The following TNRC6B variants were observed in gnomAD, a reference collection of about 807,000 sequenced individuals.
The protein encoded by TNRC6B is trinucleotide repeat containing adaptor 6B.
Under a neutral mutation model 203.6 loss-of-function variants are expected in TNRC6B, and 52 were observed. The observed-to-expected ratio is 0.26, with a 90% CI of 0.20 to 0.32. The LOEUF (loss-of-function observed/expected upper bound fraction) is 0.32. Ranked by LOEUF, TNRC6B falls within the 10% of genes least tolerant of loss-of-function variation. The probability of loss-of-function intolerance (pLI) is 1.00; values close to 1 mark genes in which losing one functional copy is unlikely to be tolerated. For missense variants in TNRC6B, 1,923 were observed against 2,286.2 expected, an observed-to-expected ratio of 0.84 and a Z score of 3.24; for synonymous variants, 838 against 845.7, an observed-to-expected ratio of 0.99 and a Z score of 0.16.
chr22:40,254,151 T>C lies in TNRC6B; in HGVS notation c.115+2951T>C, dbSNP rs544809150. ...AAGACATAGGCTAGAGCTGGCTTGCTACCAGGTATCAAATAATAGAAAGCA... is the reference window on the plus strand; with the variant it reads ...AAGACATAGGCTAGAGCTGGCTTGCCACCAGGTATCAAATAATAGAAAGCA... On this transcript the variant is annotated intron_variant, in intron 3 of 22. Transcript: ENST00000454349. Among the ~76,000 whole-genome samples, 91 of 152,320 alleles carry C rather than the reference T, an allele frequency of 6.0e-4. 1 individual carries two copies. The highest frequency in any genetic ancestry group is 8.8e-4 in the Non-Finnish European group (60 of 68,034).
intron 1 of TNRC6B, among the ~76,000 whole-genome samples, chr22:40,046,781 A>G (rs986139638): frequency 4.0e-5 from 6 of 151,680 alleles, no homozygotes; most frequent in Admixed American, 6.6e-5. Context: ...AGTAGCTGGG[A>G]CTACAGGCGC....
Position 40,125,839 on chromosome 22 carries a change from G to T in TNRC6B, c.22G>T (p.Val8Leu), listed in dbSNP as rs756281030. 2.5e-6 allele frequency: 4 copies of T among 1,612,636 alleles called. No homozygotes were observed. In the South Asian group the frequency reaches 4.4e-5, roughly 18 times the overall value. ...TCCCATGCAAACCAATGAGGGAGAA[G>T]TATCGGAAGAAAGCAGTTCCAAGGT... The change falls in exon 3 of 24, where the codon GTA becomes TTA. Residue 8 changes from valine (V) to leucine (L), a missense_variant. Physicochemically the swap from Val to Leu is conservative, Grantham distance 32. Transcript: ENST00000301923.
Position 40,164,579 on chromosome 22 carries a change from A to G in TNRC6B, c.113+8397A>G, listed in dbSNP as rs955425845. Among the ~76,000 whole-genome samples, 6 of 151,214 alleles carry G rather than the reference A, an allele frequency of 4.0e-5. No homozygotes were observed. In the East Asian group the frequency reaches 1.0e-3, roughly 25 times the overall value. On this transcript the variant is annotated intron_variant, in intron 4 of 23. Coordinates refer to the TNRC6B transcript ENST00000301923. ...GGAGTCCAAGACCAGCCTGACCAAC[A>G]TGGAGAAACCTGGTCTGTACTACAA...
At chr22:40,289,605 CCTT>C (rs2070841643) in intron 12 of TNRC6B, among the ~76,000 whole-genome samples, 1 of 152,158 alleles carries the variant, frequency 6.6e-6, no homozygotes, top group African/African-American at 2.4e-5. Flanking sequence ...ATCTGCCTCT[CCTT>C]CTCCATCTCC....
intron 1 of TNRC6B, among the ~76,000 whole-genome samples, chr22:40,186,012 G>A (rs1188127978): frequency 6.6e-6 from 1 of 151,288 alleles, no homozygotes; most frequent in Non-Finnish European, 1.5e-5. Flanking sequence ...CTGGCAGTGT[G>A]GATCTGCAGC....
chr22:40,132,150 C>G (rs2068550562), intron 3 of TNRC6B, among the ~76,000 whole-genome samples: 2 of 152,126 alleles, frequency 1.3e-5, no homozygotes, highest in South Asian at 4.1e-4. Flanking sequence ...GAGTTTGAGA[C>G]TAGCCTGGCC....
chr22:40,119,489 C>T (rs2068423737), intron 2 of TNRC6B, among the ~76,000 whole-genome samples: 1 of 152,168 alleles, frequency 6.6e-6, no homozygotes, highest in Admixed American at 6.5e-5. Flanking sequence ...GAGGCTGAGG[C>T]AGGAGAATCG....
chr22:40,078,000 T>C (rs2068033201), intron 1 of TNRC6B, among the ~76,000 whole-genome samples: 1 of 152,252 alleles, frequency 6.6e-6, no homozygotes, highest in South Asian at 2.1e-4. Context: ...TTGCAGTGAA[T>C]ATATTTGTAC....
intron 6 of TNRC6B, 110 bp downstream of exon 6, chr22:40,270,390 G>A (rs928158451): frequency 3.7e-6 from 4 of 1,087,116 alleles, no homozygotes; most frequent in Admixed American, 4.2e-5. Context: ...TGCAATTTCG[G>A]CTCACTGCAA....
chr22:40,274,642 G>A (rs2070613030), intron 7 of TNRC6B, among the ~76,000 whole-genome samples: 2 of 152,052 alleles, frequency 1.3e-5, no homozygotes, highest in African/African-American at 2.4e-5. Flanking sequence ...GGATGGTCTC[G>A]ATCTCCTGAC....
chr22:40,148,185 C>T (rs1400493486), intron 3 of TNRC6B, among the ~76,000 whole-genome samples: 3 of 151,934 alleles, frequency 2.0e-5, no homozygotes, highest in Non-Finnish European at 4.4e-5. Flanking sequence ...AAAAAGTCCA[C>T]ACAAAGTACT....
chr22:40,230,602 G>A (rs893888992), intron 1 of TNRC6B, among the ~76,000 whole-genome samples: 22 of 151,840 alleles, frequency 1.4e-4, no homozygotes, highest in African/African-American at 3.6e-4. Context: ...TCTTTTGCCC[G>A]GTTTTAAGAT....
chr22:40,293,968 A>C (rs2070903446), intron 12 of TNRC6B, among the ~76,000 whole-genome samples: 1 of 150,664 alleles, frequency 6.6e-6, no homozygotes, highest in Non-Finnish European at 1.5e-5. Flanking sequence ...AAGGCCAGGC[A>C]CAGTGGCTCA....
chr22:40,222,728 C>CTTTT lies in TNRC6B; in HGVS notation c.6-23257_6-23254dup, dbSNP rs61374373. ...ATCTTGCTGTATTCTCTCTCTCTCT[C>CTTTT]TTTTTTTTTTTTTTTTTTTTTTTTT... On this transcript the variant is annotated intron_variant, in intron 1 of 22. Transcript: ENST00000454349. Among the ~76,000 whole-genome samples, 181 of 40,216 alleles carry CTTTT rather than the reference C, an allele frequency of 4.5e-3. 29 individuals carry two copies. The highest frequency in any genetic ancestry group is 0.011 in the African/African-American group (87 of 7,870). The allele number at this position is 40,216 out of a possible 152,430, so 26.4% of individuals were successfully genotyped here.
At chr22:40,146,146 G>A (rs2146342794) in intron 3 of TNRC6B, among the ~76,000 whole-genome samples, 1 of 152,336 alleles carries the variant, frequency 6.6e-6, no homozygotes, top group African/African-American at 2.4e-5. Context: ...CAACTTTGTT[G>A]TGCCAGGCTT....
At chr22:40,160,755 G>T (rs1224613389) in intron 4 of TNRC6B, among the ~76,000 whole-genome samples, 1 of 151,878 alleles carries the variant, frequency 6.6e-6, no homozygotes, top group African/African-American at 2.4e-5. Flanking sequence ...GTAGAAACAG[G>T]GCCTCACTAT....
chr22:40,094,475 A>T (rs925793506), intron 1 of TNRC6B, among the ~76,000 whole-genome samples: 3 of 139,636 alleles, frequency 2.1e-5, no homozygotes, highest in Non-Finnish European at 4.4e-5. Flanking sequence ...TGAAATATTT[A>T]AAAAAACAAA....
intron 15 of TNRC6B, among the ~76,000 whole-genome samples, chr22:40,302,340 A>G (rs75061236): frequency 6.6e-6 from 1 of 152,164 alleles, no homozygotes; most frequent in Admixed American, 6.5e-5. Context: ...ACGCACACTC[A>G]AAAAACGAGT....
At chr22:40,302,187 A>C (rs1024258545) in intron 15 of TNRC6B, among the ~76,000 whole-genome samples, 2 of 152,206 alleles carry the variant, frequency 1.3e-5, no homozygotes, top group South Asian at 2.1e-4. Flanking sequence ...GAACTGGAAA[A>C]CATGCTGTAA....
Sources: allele counts gnomAD v4.1 joint callset (sites outside exome capture counted in the v4.1 genomes callset), GRCh38; gene constraint gnomAD v4.1.1; transcripts MANE v1.5; gene names NCBI Gene and HGNC (gene_info 2026-07-23, HGNC 2026-07-21).